ZHX2: variants seen among roughly 807,000 people sequenced by gnomAD.
ZHX2 encodes the protein zinc fingers and homeoboxes protein 2.
ZHX2 carries 6 observed loss-of-function variants against 21.9 expected under a neutral mutation model. That is an observed-to-expected ratio of 0.27 (90% CI 0.15 to 0.54). The LOEUF is 0.54. Among genes scored for constraint, ZHX2 ranks in the 20% least tolerant of loss-of-function variants. The pLI is 0.95. For synonymous variants in ZHX2, 434 were observed against 437.1 expected (o/e 0.99, Z 0.09); for missense variants, 908 against 1,090.7 (o/e 0.83, Z 2.36).
chr8:122,870,563 C>T (rs1160245743), intron 2 of ZHX2, among the ~76,000 whole-genome samples: 1 of 137,334 alleles, frequency 7.3e-6, no homozygotes, highest in Non-Finnish European at 1.5e-5. Context: ...TGCTTGAACT[C>T]AGGAAGCAGA....
chr8:122,841,356 G>A (rs903322011), intron 1 of ZHX2, among the ~76,000 whole-genome samples: 1 of 152,130 alleles, frequency 6.6e-6, no homozygotes, highest in Admixed American at 6.5e-5. Flanking sequence ...ATTCCCTGAA[G>A]CATTTAGCCA....
At chr8:122,816,672 G>A (rs867518011) in intron 1 of ZHX2, among the ~76,000 whole-genome samples, 1 of 151,634 alleles carries the variant, frequency 6.6e-6, no homozygotes, top group Non-Finnish European at 1.5e-5. Flanking sequence ...AAAGTGCCTA[G>A]GGCTTACAAA....
chr8:122,802,903 A>G (rs887711747), intron 1 of ZHX2, among the ~76,000 whole-genome samples: 60 of 152,090 alleles, frequency 3.9e-4, no homozygotes, highest in African/African-American at 1.4e-3. Flanking sequence ...GAGGAGGCTG[A>G]CAGGCTGTCA....
intron 1 of ZHX2, among the ~76,000 whole-genome samples, chr8:122,842,351 A>G (rs1484945021): frequency 6.6e-6 from 1 of 152,196 alleles, no homozygotes; most frequent in Non-Finnish European, 1.5e-5. Flanking sequence ...TCTTTCCAGG[A>G]GCAAATTCTC....
intron 2 of ZHX2, among the ~76,000 whole-genome samples, chr8:122,935,256 T>G (rs1385705554): frequency 6.6e-6 from 1 of 152,126 alleles, no homozygotes; most frequent in Non-Finnish European, 1.5e-5. Context: ...ATAAAACCAC[T>G]GAGGAGCTTT....
At chr8:122,781,506 C>T (rs905600361), upstream of ZHX2, 3 of 152,180 alleles carry the variant, frequency 2.0e-5, no homozygotes, top group African/African-American at 7.3e-5. This position sits in a 1 kb window ranked among gnomAD's most constrained non-coding sequence, Gnocchi z 4.6. Context: ...GGGCTAGCCT[C>T]CCCCCCAGCT....
rs1813117911 is a variant in ZHX2 at position 122,951,739 on chromosome 8, G to A, written c.229G>A (p.Gly77Ser). 1.2e-6 allele frequency: 2 copies of A among 1,614,086 alleles called. No individual in the cohort carries two copies. The highest frequency in any genetic ancestry group is 4.5e-5 in the East Asian group (2 of 44,874). Residue 77 changes from glycine (G) to serine (S), a missense_variant, in exon 3 of 4, where the codon GGT becomes AGT. Gly to Ser is a moderately conservative substitution (Grantham distance 56). This residue lies in a region of ZHX2 where 220 missense variants were observed against 251.4 expected (regional missense o/e 0.88). Transcript: ENST00000314393. ...AAGCCAGTCCAAAAAACTCCAAGGT[G>A]GTTATGAGTGCAAATACTGCCCCTA... ...GESQSKKLQG[G>S]YECKYCPYST... is the part of the protein sequence containing the mutation.
At chr8:122,837,378 C>A (rs969684430) in intron 1 of ZHX2, among the ~76,000 whole-genome samples, 1 of 152,122 alleles carries the variant, frequency 6.6e-6, no homozygotes, top group Non-Finnish European at 1.5e-5. Context: ...GGGTTCCAGA[C>A]CCCCATCTCT....
At chr8:122,847,593 C>G (rs1419137154) in intron 1 of ZHX2, among the ~76,000 whole-genome samples, 1 of 152,254 alleles carries the variant, frequency 6.6e-6, no homozygotes, top group Admixed American at 6.5e-5. Context: ...CCCTGACACA[C>G]TGTACAGCTG....
chr8:122,939,111 A>C (rs1274200992), intron 2 of ZHX2, among the ~76,000 whole-genome samples: 1 of 152,212 alleles, frequency 6.6e-6, no homozygotes, highest in African/African-American at 2.4e-5. Flanking sequence ...TGTGAGCTCC[A>C]AGCTCATCAA....
chr8:122,810,585 T>C (rs997987013), intron 1 of ZHX2: 1 of 152,138 alleles, frequency 6.6e-6, no homozygotes, highest in Non-Finnish European at 1.5e-5. Flanking sequence ...TGAGTCTCTG[T>C]GGACGGCAGG....
At chr8:122,794,323 A>G (rs761731288) in intron 1 of ZHX2, among the ~76,000 whole-genome samples, 1 of 151,802 alleles carries the variant, frequency 6.6e-6, no homozygotes, top group Non-Finnish European at 1.5e-5. Flanking sequence ...ATTGGAAGGA[A>G]TACATGTTGT....
intron 1 of ZHX2, among the ~76,000 whole-genome samples, chr8:122,807,363 A>G (rs1251040585): frequency 6.6e-6 from 1 of 152,250 alleles, no homozygotes; most frequent in African/African-American, 2.4e-5. Context: ...TTGTTGACTC[A>G]GGGAACTCTT....
At chr8:122,860,771 C>T (rs865832254) in intron 1 of ZHX2, among the ~76,000 whole-genome samples, 1 of 152,032 alleles carries the variant, frequency 6.6e-6, no homozygotes, top group Non-Finnish European at 1.5e-5. Context: ...CGTGGTGGCT[C>T]ACACCTGTAA....
At chr8:122,907,187 T>G (rs1434148564) in intron 2 of ZHX2, among the ~76,000 whole-genome samples, 5 of 152,208 alleles carry the variant, frequency 3.3e-5, no homozygotes, top group Non-Finnish European at 7.3e-5. Flanking sequence ...AAAACTTTCC[T>G]CAACCTTTTG....
chr8:122,887,050 C>CGTGTGTGTGTGTGTGTGTGT (rs10549696), intron 2 of ZHX2, among the ~76,000 whole-genome samples: 2 of 136,372 alleles, frequency 1.5e-5, no homozygotes, highest in Admixed American at 7.2e-5. Context: ...GCTCTGCCAC[C>CGTGTGTGTGTGTGTGTGTGT]GTGTGTGTGT....
intron 2 of ZHX2, among the ~76,000 whole-genome samples, chr8:122,922,619 T>C (rs963946545): frequency 6.6e-6 from 1 of 152,184 alleles, no homozygotes; most frequent in Non-Finnish European, 1.5e-5. Context: ...CTTCCTCCTG[T>C]TCCTTCTCCT....
At chr8:122,783,047 G>C (rs1223302644) in intron 1 of ZHX2, among the ~76,000 whole-genome samples, 1 of 152,232 alleles carries the variant, frequency 6.6e-6, no homozygotes, top group African/African-American at 2.4e-5. Flanking sequence ...CTGAGCCTGG[G>C]AGGCGGAGGA....
intron 2 of ZHX2, among the ~76,000 whole-genome samples, chr8:122,896,975 A>G (rs1288033839): frequency 6.6e-6 from 1 of 152,226 alleles, no homozygotes; most frequent in East Asian, 1.9e-4. Context: ...GGATAAATAT[A>G]CTATTAATAC....
Sources: gnomAD v4.1 joint callset for allele counts (sites outside exome capture counted in the v4.1 genomes callset) on GRCh38, gnomAD v4.1.1 for gene constraint, gnomAD v4.1.1 regional missense constraint, Gnocchi (gnomAD v3.1) non-coding constraint, MANE v1.5 for transcripts, NCBI Gene and HGNC (gene_info 2026-07-23, HGNC 2026-07-21) for gene names.